SPOCK3: variants seen among roughly 807,000 people sequenced by gnomAD.
SPOCK3 encodes SPARC (osteonectin), cwcv and kazal like domains proteoglycan 3.
In SPOCK3, 30 loss-of-function variants were observed where a neutral mutation model predicts 56.6. That is an observed-to-expected ratio of 0.53 (90% CI 0.40 to 0.72). The LOEUF (loss-of-function observed/expected upper bound fraction) is 0.72. Ranked by LOEUF, SPOCK3 falls within the 30% of genes least tolerant of loss-of-function variation. SPOCK3 has a pLI of 0.00. For synonymous variants in SPOCK3, 196 were observed against 183.3 expected (o/e 1.07, Z -0.56); for missense variants, 527 against 530.0 (o/e 0.99, Z 0.06).
intron 3 of SPOCK3, among the ~76,000 whole-genome samples, chr4:167,017,241 A>T (rs1750713872): frequency 6.6e-6 from 1 of 152,074 alleles, no homozygotes; most frequent in African/African-American, 2.4e-5. Context: ...TACTGTTACC[A>T]TTTGTACAGT....
chr4:166,747,498 G>A (rs1735792636), intron 8 of SPOCK3, among the ~76,000 whole-genome samples: 1 of 152,000 alleles, frequency 6.6e-6, no homozygotes, highest in South Asian at 2.1e-4. Flanking sequence ...AATAATAAGA[G>A]CTATTTATGA....
chr4:167,221,106 C>T (rs1381726253), intron 2 of SPOCK3, among the ~76,000 whole-genome samples: 9 of 151,846 alleles, frequency 5.9e-5, no homozygotes, highest in Non-Finnish European at 1.2e-4. Context: ...ACACCTGTAA[C>T]GCCAACACTC....
intron 2 of SPOCK3, among the ~76,000 whole-genome samples, chr4:167,123,988 G>T (rs1762081650): frequency 6.6e-6 from 1 of 151,832 alleles, no homozygotes; most frequent in African/African-American, 2.4e-5. Context: ...CTCGTGATCT[G>T]CCTGCCTCGG....
intron 2 of SPOCK3, among the ~76,000 whole-genome samples, chr4:167,208,816 T>C (rs778695075): frequency 6.6e-6 from 1 of 152,134 alleles, no homozygotes; most frequent in Non-Finnish European, 1.5e-5. Flanking sequence ...GCAAGGAAAC[T>C]TTCCTATAAA....
At chr4:166,954,419 A>G (rs918343678) in intron 4 of SPOCK3, among the ~76,000 whole-genome samples, 1 of 151,922 alleles carries the variant, frequency 6.6e-6, no homozygotes, top group Non-Finnish European at 1.5e-5. Flanking sequence ...TTTTTTTTCT[A>G]GTAGTTTCAT....
In SPOCK3 at chr4:166,843,196, G is replaced by T. The variant is rs1251001056; in HGVS notation, c.589+45934C>A. 6.6e-5 allele frequency among the ~76,000 whole-genome samples: 10 copies of T among 152,198 alleles called. 1 individual carries two copies. On this transcript the variant is annotated intron_variant, in intron 6 of 10. Transcript: ENST00000357545. Reference sequence around the variant, plus strand: ...CTCCACACCCCCCCGCAAACAGAGGGAGCCAGCTCCAGCCTTGGCCAGCCC... The same window carrying T: ...CTCCACACCCCCCCGCAAACAGAGGTAGCCAGCTCCAGCCTTGGCCAGCCC...
chr4:166,800,902 C>T (rs982843852), intron 6 of SPOCK3, among the ~76,000 whole-genome samples: 2 of 152,166 alleles, frequency 1.3e-5, no homozygotes, highest in African/African-American at 2.4e-5. Flanking sequence ...TCCCATCATG[C>T]ATGCTTCATT....
At chr4:167,108,282 G>C (rs894165487) in intron 2 of SPOCK3, among the ~76,000 whole-genome samples, 1 of 151,890 alleles carries the variant, frequency 6.6e-6, no homozygotes, top group African/African-American at 2.4e-5. Flanking sequence ...GCTACCATTT[G>C]ATCCAGCAAT....
intron 3 of SPOCK3, among the ~76,000 whole-genome samples, chr4:167,025,013 G>A (rs1372906274): frequency 6.6e-6 from 1 of 151,886 alleles, no homozygotes. Flanking sequence ...ATCATAAAAA[G>A]CTATCTGGCC....
intron 6 of SPOCK3, among the ~76,000 whole-genome samples, chr4:166,829,974 A>T (rs945663029): frequency 6.6e-6 from 1 of 152,176 alleles, no homozygotes; most frequent in Non-Finnish European, 1.5e-5. Context: ...GAGAATTTTA[A>T]GAATCTCATT....
chr4:167,146,620 C>A (rs940506955), intron 2 of SPOCK3, among the ~76,000 whole-genome samples: 3 of 152,106 alleles, frequency 2.0e-5, no homozygotes, highest in Admixed American at 6.5e-5. Context: ...TCTCTCAGAC[C>A]ACAGTGCAAT....
At chr4:166,838,399 G>A (rs1746854401) in intron 6 of SPOCK3, among the ~76,000 whole-genome samples, 1 of 151,782 alleles carries the variant, frequency 6.6e-6, no homozygotes, top group Non-Finnish European at 1.5e-5. Flanking sequence ...TGCTTAGATT[G>A]TATAATTTTA....
chr4:167,108,992 T>TATATATATATATAAATATATACTTA (rs1760465984), intron 2 of SPOCK3, among the ~76,000 whole-genome samples: 1 of 8,698 alleles, frequency 1.1e-4, no homozygotes, highest in Non-Finnish European at 1.9e-4. Flanking sequence ...AAATATATAT[T>TATATATATATATAAATATATACTTA]TATATATATA....
intron 3 of SPOCK3, among the ~76,000 whole-genome samples, chr4:167,022,220 G>A (rs920801933): frequency 1.3e-5 from 2 of 151,952 alleles, no homozygotes; most frequent in African/African-American, 2.4e-5. Context: ...CAGGCTATGC[G>A]AGCCTTATGA....
intron 4 of SPOCK3, among the ~76,000 whole-genome samples, chr4:166,969,548 T>A (rs1182006551): frequency 6.6e-6 from 1 of 151,718 alleles, no homozygotes; most frequent in Non-Finnish European, 1.5e-5. Context: ...ACATTAAATG[T>A]GTTTAAATGT....
chr4:166,867,409 T>C (rs1167598205), intron 6 of SPOCK3, among the ~76,000 whole-genome samples: 2 of 152,026 alleles, frequency 1.3e-5, no homozygotes, highest in Admixed American at 6.6e-5. Flanking sequence ...TTATAGGATA[T>C]AATGGACAGG....
intron 3 of SPOCK3, among the ~76,000 whole-genome samples, chr4:167,027,413 T>C (rs1479486985): frequency 6.6e-6 from 1 of 152,016 alleles, no homozygotes. Flanking sequence ...CACTAGGTAA[T>C]GTCCCTTGTC....
intron 4 of SPOCK3, among the ~76,000 whole-genome samples, chr4:166,925,291 G>C (rs964026232): frequency 6.6e-6 from 1 of 151,868 alleles, no homozygotes. Context: ...TTAATTCTCA[G>C]GTCCTACATA....
At chr4:167,054,784 C>T (rs1029461420) in intron 3 of SPOCK3, among the ~76,000 whole-genome samples, 1 of 151,934 alleles carries the variant, frequency 6.6e-6, no homozygotes, top group African/African-American at 2.4e-5. Context: ...ATAGTTAAAC[C>T]AAAAGGTAGA....
Sources: gnomAD v4.1 joint callset for allele counts (sites outside exome capture counted in the v4.1 genomes callset) on GRCh38, gnomAD v4.1.1 for gene constraint, MANE v1.5 for transcripts, NCBI Gene and HGNC (gene_info 2026-07-23, HGNC 2026-07-21) for gene names.